The following TENM3 variants were observed in gnomAD, a reference collection of about 807,000 sequenced individuals.
TENM3 encodes the protein teneurin-3.
TENM3 carries 63 observed loss-of-function variants against 255.1 expected under a neutral mutation model. The observed-to-expected ratio is 0.25, with a 90% confidence interval of 0.20 to 0.30. TENM3 has a LOEUF of 0.30. Among genes scored for constraint, TENM3 ranks in the 10% least tolerant of loss-of-function variants. The pLI is 1.00. For missense variants in TENM3, 2,929 were observed against 3,461.1 expected (o/e 0.85, Z 3.86); for synonymous variants, 1,306 against 1,322.3 (o/e 0.99, Z 0.27).
At chr4:182,621,528 C>T (rs1028450387) in intron 4 of TENM3, among the ~76,000 whole-genome samples, 1 of 144,160 alleles carries the variant, frequency 6.9e-6, no homozygotes. Context: ...TTTGGGAGGC[C>T]AAGGCAGGAA....
chr4:182,227,098 A>G (rs919157172), intron 1 of TENM3, among the ~76,000 whole-genome samples: 1 of 152,154 alleles, frequency 6.6e-6, no homozygotes, highest in African/African-American at 2.4e-5. Flanking sequence ...CAGTTACTAT[A>G]TAAGACAGCT....
At chr4:182,011,026 C>T in the TENM3 span, among the ~76,000 whole-genome samples, 1 of 152,228 alleles carries the variant, frequency 6.6e-6, no homozygotes, top group Non-Finnish European at 1.5e-5. Context: ...ATTCAGTCAA[C>T]ATGCTAGATT....
chr4:181,608,852 A>C, the TENM3 span, among the ~76,000 whole-genome samples: 1 of 152,200 alleles, frequency 6.6e-6, no homozygotes, highest in Non-Finnish European at 1.5e-5. Flanking sequence ...GCATCTCTTC[A>C]AAAAGCATGT....
chr4:181,628,341 G>T, the TENM3 span, among the ~76,000 whole-genome samples: 754 of 152,278 alleles, frequency 5.0e-3, 9 homozygotes, highest in African/African-American at 0.017. Flanking sequence ...AGTTTAATTA[G>T]ATCCCATTTG....
At chr4:182,249,226 G>T (rs1394875278) in intron 1 of TENM3, among the ~76,000 whole-genome samples, 1 of 152,194 alleles carries the variant, frequency 6.6e-6, no homozygotes, top group East Asian at 1.9e-4. Flanking sequence ...CAGCCAGATG[G>T]AAGTGGAATT....
At chr4:181,984,004 T>A in the TENM3 span, among the ~76,000 whole-genome samples, 2 of 152,128 alleles carry the variant, frequency 1.3e-5, no homozygotes, top group African/African-American at 4.8e-5. Context: ...GCATGGATTT[T>A]AAGTGCAATT....
intron 4 of TENM3, among the ~76,000 whole-genome samples, chr4:182,608,277 G>A (rs984941000): frequency 6.6e-6 from 1 of 151,636 alleles, no homozygotes; most frequent in Non-Finnish European, 1.5e-5. Context: ...TTTTTGAGAC[G>A]GGGCCTTGCT....
chr4:182,424,032 A>C (rs1429508756), intron 3 of TENM3, among the ~76,000 whole-genome samples: 1 of 152,206 alleles, frequency 6.6e-6, no homozygotes, highest in Non-Finnish European at 1.5e-5. Flanking sequence ...ATTTTTGAAA[A>C]AGCAGTTTTC....
chr4:181,824,286 G>T, the TENM3 span, among the ~76,000 whole-genome samples: 8 of 144,386 alleles, frequency 5.5e-5, no homozygotes, highest in African/African-American at 2.1e-4. Context: ...TTTTTTTTAA[G>T]AGATGGGTTT....
intron 5 of TENM3, among the ~76,000 whole-genome samples, chr4:182,630,772 A>ATT (rs899735030): frequency 6.0e-4 from 90 of 149,490 alleles, no homozygotes; most frequent in African/African-American, 2.2e-3. Flanking sequence ...TATTATTATT[A>ATT]TTTTTTTTTT....
chr4:182,681,271 T>A (rs1395045202), intron 10 of TENM3, among the ~76,000 whole-genome samples: 3 of 152,204 alleles, frequency 2.0e-5, no homozygotes, highest in Non-Finnish European at 4.4e-5. Flanking sequence ...ATTTTATTGA[T>A]CTGCACACAC....
chr4:182,444,957 G>C (rs1427485012), intron 3 of TENM3, among the ~76,000 whole-genome samples: 1 of 152,054 alleles, frequency 6.6e-6, no homozygotes, highest in Non-Finnish European at 1.5e-5. Flanking sequence ...ACAGGGGGAT[G>C]CCAACACACC....
At chr4:181,826,549 G>A in the TENM3 span, among the ~76,000 whole-genome samples, 2 of 152,182 alleles carry the variant, frequency 1.3e-5, no homozygotes, top group African/African-American at 4.8e-5. Flanking sequence ...AAGCACCAGG[G>A]CCAGGGCCTA....
the TENM3 span, among the ~76,000 whole-genome samples, chr4:181,916,754 G>A: frequency 5.3e-5 from 8 of 152,168 alleles, no homozygotes; most frequent in East Asian, 7.8e-4. Flanking sequence ...GCGCGTGCTC[G>A]TAATCCCAGC....
At chr4:181,689,176 T>C in the TENM3 span, among the ~76,000 whole-genome samples, 2 of 152,204 alleles carry the variant, frequency 1.3e-5, no homozygotes, top group African/African-American at 4.8e-5. Context: ...CCAATACCTA[T>C]ATTTAGAATT....
chr4:181,655,695 G>A, the TENM3 span, among the ~76,000 whole-genome samples: 4 of 152,140 alleles, frequency 2.6e-5, no homozygotes, highest in Admixed American at 2.6e-4. Flanking sequence ...AAGACCTGAA[G>A]GGTATAATGG....
chr4:181,948,922 G>C, the TENM3 span, among the ~76,000 whole-genome samples: 1 of 152,034 alleles, frequency 6.6e-6, no homozygotes, highest in Non-Finnish European at 1.5e-5. Flanking sequence ...GTAGGGGAGT[G>C]CTAGTGCAGG....
the TENM3 span, among the ~76,000 whole-genome samples, chr4:181,985,036 A>G: frequency 6.6e-6 from 1 of 152,042 alleles, no homozygotes; most frequent in Non-Finnish European, 1.5e-5. Flanking sequence ...TACAATCTTT[A>G]AGAAAAGAAA....
intron 4 of TENM3, among the ~76,000 whole-genome samples, chr4:182,613,279 G>A (rs1749178565): frequency 6.6e-6 from 1 of 152,078 alleles, no homozygotes; most frequent in Non-Finnish European, 1.5e-5. Flanking sequence ...TATAATACAA[G>A]TTTGTACACT....
Sources: gnomAD v4.1 joint callset for allele counts (sites outside exome capture counted in the v4.1 genomes callset) on GRCh38, gnomAD v4.1.1 for gene constraint, MANE v1.5 for transcripts, NCBI Gene and HGNC (gene_info 2026-07-23, HGNC 2026-07-21) for gene names.